SYNE3: variants seen among roughly 807,000 people sequenced by gnomAD.
SYNE3 encodes spectrin repeat containing nuclear envelope family member 3, also known as nesprin-3.
Under a neutral mutation model 111.2 loss-of-function variants are expected in SYNE3, and 100 were observed. The observed-to-expected ratio is 0.90, with a 90% confidence interval of 0.77 to 1.06. SYNE3 has a LOEUF of 1.06. Among genes scored for constraint, SYNE3 ranks in the 50% least tolerant of loss-of-function variants. SYNE3 has a pLI of 0.00. For synonymous variants in SYNE3, 547 were observed against 533.9 expected (o/e 1.02, Z -0.34); for missense variants, 1,160 against 1,240.3 (o/e 0.94, Z 0.97).
intron 2 of SYNE3, among the ~76,000 whole-genome samples, chr14:95,474,548 G>A (rs1888760293): frequency 6.6e-6 from 1 of 152,162 alleles, no homozygotes; most frequent in Non-Finnish European, 1.5e-5. Context: ...GAACGTGACA[G>A]GGCTCTGCAG....
chr14:95,450,477 C>T (rs901250651), intron 7 of SYNE3: 4 of 196,488 alleles, frequency 2.0e-5, no homozygotes, highest in Admixed American at 5.5e-5. Context: ...GAGTACGAGA[C>T]CAGCCTGGGC....
chr14:95,425,271 A>G (rs1256037311), intron 17 of SYNE3, among the ~76,000 whole-genome samples: 4 of 152,132 alleles, frequency 2.6e-5, no homozygotes, highest in Non-Finnish European at 5.9e-5. Context: ...GAAAAAGAAA[A>G]AAGAAATGAG....
chr14:95,475,546 T>C (rs1888829122), intron 2 of SYNE3, 132 bp downstream of exon 2: 1 of 1,080,726 alleles, frequency 9.3e-7, no homozygotes, highest in Non-Finnish European at 1.2e-6. Context: ...AGGAGATCTG[T>C]GTGCACATCA....
chr14:95,483,939 C>A (rs555234635), intron 1 of SYNE3, among the ~76,000 whole-genome samples: 1 of 152,196 alleles, frequency 6.6e-6, no homozygotes, highest in African/African-American at 2.4e-5. Flanking sequence ...TGGAGGCAAG[C>A]GGTCCCGAAG....
intron 8 of SYNE3, among the ~76,000 whole-genome samples, chr14:95,448,780 C>T (rs1886872058): frequency 6.6e-6 from 1 of 152,224 alleles, no homozygotes; most frequent in African/African-American, 2.4e-5. Flanking sequence ...AAAATGCAGG[C>T]ACATGGCCAA....
chr14:95,464,589 G>A (rs1238318775), intron 4 of SYNE3, among the ~76,000 whole-genome samples: 2 of 152,206 alleles, frequency 1.3e-5, no homozygotes, highest in Non-Finnish European at 2.9e-5. Flanking sequence ...ATTCTGGCTT[G>A]GGGTTCACGT....
intron 13 of SYNE3, 147 bp downstream of exon 13, chr14:95,439,465 C>T (rs1304925153): frequency 3.7e-6 from 4 of 1,080,622 alleles, no homozygotes; most frequent in African/African-American, 1.6e-5. Flanking sequence ...CTAGAATAGC[C>T]AACTGGGCCA....
At chr14:95,441,098 C>T (rs1053781827) in intron 11 of SYNE3, among the ~76,000 whole-genome samples, 12 of 152,228 alleles carry the variant, frequency 7.9e-5, no homozygotes, top group Non-Finnish European at 1.5e-4. Flanking sequence ...CAGTCAGACC[C>T]CAGGGCCTGC....
chr14:95,417,072 C>G lies in SYNE3; in HGVS notation c.*754G>C, dbSNP rs571205278. The G allele has an allele frequency of 6.5e-6, 1 of 153,974 alleles. No homozygotes were observed. Among genetic ancestry groups the G allele is most frequent in the African/African-American group, 2.4e-5 (1 of 41,590 alleles). 9.5% of individuals were successfully genotyped at this position (153,974 alleles called of 1,614,324 possible). ...GACAGTCCTCATAGGTCTGTGTGAT[C>G]AGAAGCCGCTGAGAGCTGGGGTTAG... On this transcript the variant is annotated 3_prime_UTR_variant, in exon 18 of 18. Transcript: ENST00000682763.
chr14:95,437,049 T>C, intron 14 of SYNE3, 68 bp from the exon 15 acceptor site: 3 of 1,599,790 alleles, frequency 1.9e-6, no homozygotes, highest in Middle Eastern at 1.9e-4. Flanking sequence ...TCCTGGGAAT[T>C]CCACCTGAGG....
At chr14:95,475,904 G>T in intron 1 of SYNE3, 69 bp from the exon 2 acceptor site, 1 of 1,342,226 alleles carries the variant, frequency 7.5e-7, no homozygotes, top group South Asian at 1.9e-5. Context: ...CCCCCGGCAG[G>T]ACACCTGGGA....
chr14:95,438,793 T>TA (rs1886240522), intron 14 of SYNE3: 1 of 482,288 alleles, frequency 2.1e-6, no homozygotes, highest in Non-Finnish European at 3.8e-6. Context: ...GGCTAAGGGA[T>TA]ACCCCTACTG....
intron 5 of SYNE3, 56 bp from the exon 6 acceptor site, chr14:95,455,780 T>A (rs776977797): frequency 1.3e-5 from 21 of 1,564,274 alleles, no homozygotes; most frequent in Non-Finnish European, 1.8e-5. Flanking sequence ...ATACAGTTGC[T>A]GCATTTTCCA....
At chr14:95,436,115 T>A (rs925830141) in intron 15 of SYNE3, among the ~76,000 whole-genome samples, 3 of 152,110 alleles carry the variant, frequency 2.0e-5, no homozygotes, top group African/African-American at 7.2e-5. Context: ...ACTTTCCCCA[T>A]CTCCCTCCCC....
intron 1 of SYNE3, among the ~76,000 whole-genome samples, chr14:95,504,525 A>G (rs1035769115): frequency 6.6e-6 from 1 of 152,242 alleles, no homozygotes; most frequent in African/African-American, 2.4e-5. Flanking sequence ...TCCTACTTAC[A>G]GTCATTTAGG....
chr14:95,464,557 T>C (rs1888044088), intron 4 of SYNE3, among the ~76,000 whole-genome samples: 1 of 152,198 alleles, frequency 6.6e-6, no homozygotes, highest in South Asian at 2.1e-4. Context: ...CTTCAGAATA[T>C]GGAGTTGGGG....
chr14:95,455,862 C>T (rs1206835871), intron 5 of SYNE3, 138 bp from the exon 6 acceptor site: 2 of 822,760 alleles, frequency 2.4e-6, no homozygotes, highest in African/African-American at 3.4e-5. Context: ...AGGGGCCTTC[C>T]CAAGGGCTGG....
rs1886607427 is a variant in SYNE3 at position 95,444,667 on chromosome 14, C to G, written c.1633-39G>C. The stretch of plus-strand genomic sequence containing the variant: ...GGACAGTGTGCACATTAAGAGCGTT[C>G]CTCATGAGCACCGTGTTGTGAGACC... On this transcript the variant is annotated intron_variant, in intron 9 of 17. Transcript: ENST00000682763. 3 of 1,529,068 alleles carry G rather than the reference C, an allele frequency of 2.0e-6. No homozygotes were observed. The African/African-American group carries it at 4.2e-5, about 21-fold the overall frequency. The allele number at this position is 1,529,068 out of a possible 1,614,324, so 94.7% of individuals were successfully genotyped here. A position where few individuals can be genotyped will look rare whatever the true frequency, so the allele number is the denominator to read the frequency against.
At chr14:95,452,463 G>A (rs1272119549) in intron 6 of SYNE3, 80 bp from the exon 7 acceptor site, 47 of 1,451,556 alleles carry the variant, frequency 3.2e-5, no homozygotes, top group Non-Finnish European at 4.1e-5. Flanking sequence ...GGTGAGCGTG[G>A]CCAGTGGAGG....
Sources: gnomAD v4.1 joint callset for allele counts (sites outside exome capture counted in the v4.1 genomes callset) on GRCh38, gnomAD v4.1.1 for gene constraint, MANE v1.5 for transcripts, NCBI Gene and HGNC (gene_info 2026-07-23, HGNC 2026-07-21) for gene names.